The following FAM184B variants were observed in gnomAD, a reference collection of about 807,000 sequenced individuals.
FAM184B encodes family with sequence similarity 184 member B.
FAM184B carries 111 observed loss-of-function variants against 135.9 expected under a neutral mutation model. The ratio of observed to expected loss-of-function variants is 0.82; its 90% confidence interval spans 0.70 to 0.96. FAM184B has a LOEUF of 0.96. FAM184B is among the 40% of genes least tolerant of loss of function. The pLI is 0.00. For missense variants in FAM184B, 1,375 were observed against 1,323.9 expected (o/e 1.04, Z -0.60); for synonymous variants, 552 against 524.8 (o/e 1.05, Z -0.71).
intron 7 of FAM184B, among the ~76,000 whole-genome samples, chr4:17,669,489 C>T (rs576471640): frequency 6.6e-6 from 1 of 152,222 alleles, no homozygotes; most frequent in South Asian, 2.1e-4. Context: ...TAATTAGGTC[C>T]AGGTCTCAAA....
At chr4:17,707,544 G>T (rs970933503) in intron 3 of FAM184B, 105 bp downstream of exon 3, 13 of 1,440,810 alleles carry the variant, frequency 9.0e-6, no homozygotes, top group Non-Finnish European at 1.2e-5. Flanking sequence ...AAGCAGCCCT[G>T]CCCCTCCTCT....
chr4:17,659,874 A>C (rs1715871991), intron 9 of FAM184B, 84 bp downstream of exon 9: 3 of 1,494,814 alleles, frequency 2.0e-6, no homozygotes, highest in Admixed American at 4.2e-5. Flanking sequence ...GATGTGAATC[A>C]GGCCCTGCAT....
chr4:17,657,066 A>G (rs1289946238), intron 10 of FAM184B, among the ~76,000 whole-genome samples: 1 of 152,214 alleles, frequency 6.6e-6, no homozygotes, highest in Non-Finnish European at 1.5e-5. Context: ...TATTGAGAAT[A>G]TGTAAATATT....
At chr4:17,641,642 C>CTTTTTT (rs1560165284) in intron 13 of FAM184B, among the ~76,000 whole-genome samples, 3 of 34,450 alleles carry the variant, frequency 8.7e-5, no homozygotes, top group African/African-American at 1.7e-4. Flanking sequence ...CCACGCCCGG[C>CTTTTTT]CTTTTTTTTT....
At chr4:17,705,672 A>C in intron 4 of FAM184B, 80 bp downstream of exon 4, 1 of 1,486,554 alleles carries the variant, frequency 6.7e-7, no homozygotes, top group Non-Finnish European at 9.0e-7. Flanking sequence ...ATGCTTGGGG[A>C]CTGGCCTCTA....
chr4:17,706,262 A>C (rs1291022094), intron 3 of FAM184B, among the ~76,000 whole-genome samples: 1 of 152,130 alleles, frequency 6.6e-6, no homozygotes, highest in Non-Finnish European at 1.5e-5. Context: ...TTTTCCTCCC[A>C]TATTCTCTGA....
intron 7 of FAM184B, among the ~76,000 whole-genome samples, chr4:17,679,391 T>C (rs1716387171): frequency 6.6e-6 from 1 of 152,066 alleles, no homozygotes; most frequent in Non-Finnish European, 1.5e-5. Flanking sequence ...AAAGAAGATA[T>C]ACAAATGGTA....
intron 1 of FAM184B, among the ~76,000 whole-genome samples, chr4:17,768,809 C>CTT (rs113896675): frequency 2.1e-5 from 3 of 144,636 alleles, no homozygotes; most frequent in East Asian, 4.0e-4. Flanking sequence ...TTTCTTTTTT[C>CTT]TTTTTTTTTT....
chr4:17,709,386 GCT>G lies in FAM184B; in HGVS notation c.398_399del (p.Glu133AlafsTer24). ...TCGGCGTGCTCTGCCTCCACCCTCA[GCT>G]CTCTCTCCTTCGTCTCCAGCCTGCA... ...ASCRLETKER[E>X]LRVEAEHAER... is the part of the protein sequence containing the mutation. On this transcript the variant is annotated frameshift_variant, in exon 2 of 18. Coordinates refer to ENST00000265018, the MANE Select transcript of FAM184B (RefSeq NM_015688.2). LOFTEE classifies it high-confidence loss of function. 4 of 1,528,008 alleles carry G rather than the reference GCT, an allele frequency of 2.6e-6. No homozygotes were observed. The highest frequency in any genetic ancestry group is 3.5e-6 in the Non-Finnish European group (4 of 1,133,104). 94.7% of individuals were successfully genotyped at this position (1,528,008 alleles called of 1,614,324 possible).
At chr4:17,692,306 G>A (rs1000496691) in intron 6 of FAM184B, among the ~76,000 whole-genome samples, 2 of 152,048 alleles carry the variant, frequency 1.3e-5, no homozygotes, top group African/African-American at 4.8e-5. Flanking sequence ...CCTTGGTCTG[G>A]GCCAGAACAG....
At chr4:17,696,632 C>T (rs10939758) in intron 5 of FAM184B, among the ~76,000 whole-genome samples, 93,003 of 151,944 alleles carry the variant, frequency 0.61, 29,039 homozygotes, top group East Asian at 0.93. Flanking sequence ...GGCAACACAG[C>T]GAGACGCTAT....
chr4:17,701,557 C>G (rs764095008), intron 5 of FAM184B, among the ~76,000 whole-genome samples: 5 of 152,202 alleles, frequency 3.3e-5, no homozygotes, highest in Non-Finnish European at 5.9e-5. Flanking sequence ...TCAGAGCCCT[C>G]CTCTTATTAT....
At chr4:17,695,763 C>A (rs548401011) in intron 5 of FAM184B, among the ~76,000 whole-genome samples, 2 of 152,192 alleles carry the variant, frequency 1.3e-5, no homozygotes, top group Non-Finnish European at 2.9e-5. Flanking sequence ...AGCTTGTCTG[C>A]ATGTGTCAAG....
chr4:17,646,736 A>T (rs1361126289), intron 12 of FAM184B, among the ~76,000 whole-genome samples: 2 of 152,162 alleles, frequency 1.3e-5, no homozygotes, highest in East Asian at 3.9e-4. Context: ...TAATAATAAT[A>T]AAAAAAGAAA....
At chr4:17,745,981 C>T (rs960234551) in intron 1 of FAM184B, among the ~76,000 whole-genome samples, 16 of 152,080 alleles carry the variant, frequency 1.1e-4, no homozygotes, top group African/African-American at 3.6e-4. Flanking sequence ...AATTTTGAAA[C>T]AGAGTCTCAC....
At chr4:17,737,155 A>G (rs1717930085) in intron 1 of FAM184B, among the ~76,000 whole-genome samples, 1 of 152,184 alleles carries the variant, frequency 6.6e-6, no homozygotes, top group African/African-American at 2.4e-5. Flanking sequence ...AAAAAAAAAA[A>G]AAAGAAAGGA....
At chr4:17,708,698 TATATATATATA>T (rs1717173660) in intron 2 of FAM184B, among the ~76,000 whole-genome samples, 183 bp downstream of exon 2, 3 of 52,168 alleles carry the variant, frequency 5.8e-5, no homozygotes, top group Non-Finnish European at 6.8e-5. Flanking sequence ...TATATATATA[TATATATATATA>T]GTGTCTGTGT....
At chr4:17,756,985 AATG>A (rs1718438906) in intron 1 of FAM184B, among the ~76,000 whole-genome samples, 2 of 152,186 alleles carry the variant, frequency 1.3e-5, no homozygotes, top group African/African-American at 4.8e-5. Flanking sequence ...CCTCTAGTGA[AATG>A]ATGGTCAGCA....
chr4:17,679,029 C>G (rs1389246804), intron 7 of FAM184B, among the ~76,000 whole-genome samples: 1 of 152,190 alleles, frequency 6.6e-6, no homozygotes, highest in Non-Finnish European at 1.5e-5. Flanking sequence ...AAAATCAACT[C>G]AAGATGGTTC....
Sources: allele counts gnomAD v4.1 joint callset (sites outside exome capture counted in the v4.1 genomes callset), GRCh38; gene constraint gnomAD v4.1.1; transcripts MANE v1.5; gene names NCBI Gene and HGNC (gene_info 2026-07-23, HGNC 2026-07-21).